The following COL19A1 variants were observed in gnomAD, a reference collection of about 807,000 sequenced individuals.
COL19A1 encodes the protein collagen type XIX alpha 1 chain, also known as collagen alpha-1(XIX) chain.
In COL19A1, 159 loss-of-function variants were observed where a neutral mutation model predicts 190.2. That is an observed-to-expected ratio of 0.84 (90% CI 0.73 to 0.95). COL19A1 has a LOEUF of 0.95. Ranked by LOEUF, COL19A1 falls within the 40% of genes least tolerant of loss-of-function variation. COL19A1 has a pLI of 0.00. For missense variants in COL19A1, 1,418 were observed against 1,431.9 expected (o/e 0.99, Z 0.16); for synonymous variants, 509 against 458.9 (o/e 1.11, Z -1.39).
At chr6:70,171,817 T>G in intron 40 of COL19A1, 147 bp from the exon 41 acceptor site, 1 of 672,108 alleles carries the variant, frequency 1.5e-6, no homozygotes, top group South Asian at 1.8e-5. Context: ...AATACATTAC[T>G]TAAAAATAGG....
At chr6:69,906,540 T>C (rs1770559401) in intron 4 of COL19A1, among the ~76,000 whole-genome samples, 1 of 152,174 alleles carries the variant, frequency 6.6e-6, no homozygotes. Context: ...CTGGTGGCTT[T>C]TGCAATTGAA....
intron 14 of COL19A1, among the ~76,000 whole-genome samples, chr6:70,067,796 AG>A (rs1277376410): frequency 6.6e-6 from 1 of 152,024 alleles, no homozygotes; most frequent in Non-Finnish European, 1.5e-5. Context: ...TTTCATGTGG[AG>A]TAAGAATTTC....
At chr6:70,118,680 G>A (rs1784719057) in intron 16 of COL19A1, among the ~76,000 whole-genome samples, 1 of 152,196 alleles carries the variant, frequency 6.6e-6, no homozygotes, top group Admixed American at 6.5e-5. Flanking sequence ...TTGAAGATAA[G>A]ACATTTTGTG....
intron 19 of COL19A1, among the ~76,000 whole-genome samples, chr6:70,140,042 A>G (rs1205561721): frequency 6.6e-6 from 1 of 152,056 alleles, no homozygotes; most frequent in Non-Finnish European, 1.5e-5. Flanking sequence ...AAGCAGGGAA[A>G]TAAGAATATA....
At chr6:69,976,469 G>C (rs947555482) in intron 11 of COL19A1, among the ~76,000 whole-genome samples, 1 of 152,136 alleles carries the variant, frequency 6.6e-6, no homozygotes, top group Non-Finnish European at 1.5e-5. Flanking sequence ...AGATATGAAA[G>C]AGACAAAACA....
At chr6:70,154,490 T>C (rs1342386800) in intron 31 of COL19A1, among the ~76,000 whole-genome samples, 3 of 152,096 alleles carry the variant, frequency 2.0e-5, no homozygotes, top group Non-Finnish European at 4.4e-5. Context: ...GGGATTGCTG[T>C]AACCCAGCAT....
intron 11 of COL19A1, among the ~76,000 whole-genome samples, chr6:70,002,182 T>C (rs1448859970): frequency 6.6e-6 from 1 of 152,212 alleles, no homozygotes; most frequent in Non-Finnish European, 1.5e-5. Context: ...GATTTGCACA[T>C]GTTGAACCAG....
Position 69,955,467 on chromosome 6 carries a change from A to T in COL19A1, c.937-4529A>T, listed in dbSNP as rs369619789. Among the ~76,000 whole-genome samples, 10 of 152,098 alleles carry T rather than the reference A, an allele frequency of 6.6e-5. No homozygotes were observed. The East Asian group carries it at 1.2e-3, about 18-fold the overall frequency. On this transcript the variant is annotated intron_variant, in intron 9 of 50. Coordinates refer to ENST00000620364, the MANE Select transcript of COL19A1 (RefSeq NM_001858.6). ...TAGCATATGTAAACAATTTAGTTTT[A>T]AAAAGAAGCACGTTGTATTAATAGA... is the stretch of plus-strand genomic sequence containing the variant.
intron 2 of COL19A1, 125 bp from the exon 3 acceptor site, chr6:69,898,823 T>C (rs1769966071): frequency 3.1e-6 from 2 of 643,698 alleles, no homozygotes; most frequent in South Asian, 4.4e-5. Flanking sequence ...GTTCTTATCC[T>C]CATTTTACAG....
At chr6:70,114,440 A>C (rs113203243) in intron 16 of COL19A1, among the ~76,000 whole-genome samples, 5 of 152,186 alleles carry the variant, frequency 3.3e-5, no homozygotes, top group African/African-American at 1.2e-4. Flanking sequence ...GTCTTTTGTT[A>C]TGTGTAAAAT....
At chr6:69,871,610 A>G (rs1291848660) in intron 1 of COL19A1, among the ~76,000 whole-genome samples, 1 of 151,554 alleles carries the variant, frequency 6.6e-6, no homozygotes, top group Non-Finnish European at 1.5e-5. Context: ...GTTCCTTTCC[A>G]TATTATTTTC....
Position 70,210,317 on chromosome 6 carries a change from A to G in COL19A1, c.*3043A>G, listed in dbSNP as rs1768110372. ...TTTATGGCCTTTGGAATCCAAAGAAAAACAGAAGAATAATTCATGGATTTG... is the reference window on the plus strand; with the variant it reads ...TTTATGGCCTTTGGAATCCAAAGAAGAACAGAAGAATAATTCATGGATTTG... On this transcript the variant is annotated 3_prime_UTR_variant, in exon 51 of 51. Coordinates refer to ENST00000620364, the MANE Select transcript of COL19A1 (RefSeq NM_001858.6). Among the ~76,000 whole-genome samples the G allele has an allele frequency of 6.6e-6, 1 of 152,194 alleles. No homozygotes were observed. The highest frequency in any genetic ancestry group is 6.5e-5 in the Admixed American group (1 of 15,284).
chr6:70,158,740 C>T (rs1787594254), intron 34 of COL19A1, among the ~76,000 whole-genome samples: 1 of 151,996 alleles, frequency 6.6e-6, no homozygotes, highest in East Asian at 1.9e-4. Context: ...TTCTTGGTAG[C>T]AACTGGGCTA....
intron 20 of COL19A1, 146 bp downstream of exon 20, chr6:70,141,135 C>T: frequency 4.3e-6 from 3 of 700,836 alleles, no homozygotes; most frequent in Non-Finnish European, 7.0e-6. Flanking sequence ...TGATTTTTAA[C>T]TCTTTTATTT....
intron 15 of COL19A1, among the ~76,000 whole-genome samples, chr6:70,099,206 G>A (rs78133550): frequency 0.095 from 14,456 of 151,646 alleles, 786 homozygotes; most frequent in Middle Eastern, 0.14. Context: ...TGATACTTGA[G>A]ACTTAAGTCT....
intron 11 of COL19A1, among the ~76,000 whole-genome samples, chr6:69,993,475 A>G (rs942031830): frequency 3.9e-5 from 6 of 152,118 alleles, no homozygotes; most frequent in African/African-American, 9.7e-5. Flanking sequence ...GCCTCATAGG[A>G]TGAGTTAGGG....
At chr6:69,894,260 G>GT (rs1769563495) in intron 2 of COL19A1, among the ~76,000 whole-genome samples, 1 of 152,132 alleles carries the variant, frequency 6.6e-6, no homozygotes, top group African/African-American at 2.4e-5. Context: ...ATAAAACTTG[G>GT]TAAGTTGCTT....
Position 70,190,295 on chromosome 6 carries a change from C to CT in COL19A1, c.3028-11dup, listed in dbSNP as rs559487703. 877 of 1,543,870 alleles carry CT rather than the reference C, an allele frequency of 5.7e-4. No individual in the cohort carries two copies. The highest frequency in any genetic ancestry group is 6.4e-4 in the Non-Finnish European group (723 of 1,124,164). On this transcript the variant is annotated intron_variant, in intron 47 of 50. Transcript: ENST00000620364. ...TTGTGCTATGCTCTATTTTAACAAC[C>CT]TTTTTTTTTCCTTCTTCAGGCTGAT...
chr6:70,145,021 C>A lies in COL19A1; in HGVS notation c.1770+14C>A, dbSNP rs1219919587. 3.9e-6 allele frequency: 6 copies of A among 1,523,128 alleles called. No individual in the cohort carries two copies. Among genetic ancestry groups the A allele is most frequent in the Non-Finnish European group, 4.4e-6 (5 of 1,130,736 alleles). The allele number at this position is 1,523,128 out of a possible 1,614,324, so 94.4% of individuals were successfully genotyped here. ...CCAGGGGAACCAGTAAGTATTAGCC[C>A]TTTTGTTAATATTTTTCTTGCAAGT... On this transcript the variant is annotated intron_variant, in intron 25 of 50. Transcript: ENST00000620364.
Sources: allele counts gnomAD v4.1 joint callset (sites outside exome capture counted in the v4.1 genomes callset), GRCh38; gene constraint gnomAD v4.1.1; transcripts MANE v1.5; gene names NCBI Gene and HGNC (gene_info 2026-07-23, HGNC 2026-07-21).